The following GRIK2 variants were observed in gnomAD, a reference collection of about 807,000 sequenced individuals.
GRIK2 encodes the protein glutamate ionotropic receptor kainate type subunit 2.
Under a neutral mutation model 100.3 loss-of-function variants are expected in GRIK2, and 32 were observed. That is an observed-to-expected ratio of 0.32 (90% confidence interval 0.24 to 0.43). The LOEUF (loss-of-function observed/expected upper bound fraction) is 0.43. GRIK2 is among the 20% of genes least tolerant of loss of function. The pLI is 1.00. For missense variants in GRIK2, 843 were observed against 1,114.9 expected (o/e 0.76, Z 3.47); for synonymous variants, 417 against 389.4 (o/e 1.07, Z -0.83).
chr6:101,639,314 G>C (rs960392841), intron 4 of GRIK2, among the ~76,000 whole-genome samples: 5 of 152,114 alleles, frequency 3.3e-5, no homozygotes, highest in Admixed American at 3.3e-4. Flanking sequence ...GATTACAGGC[G>C]TGAGCCACCA....
At chr6:101,537,840 G>A (rs1450237630) in intron 2 of GRIK2, among the ~76,000 whole-genome samples, 1 of 151,712 alleles carries the variant, frequency 6.6e-6, no homozygotes, top group African/African-American at 2.4e-5. Context: ...TAAAGCTAGA[G>A]GTAATACCTT....
intron 2 of GRIK2, among the ~76,000 whole-genome samples, chr6:101,499,368 A>AT (rs1372738389): frequency 2.6e-5 from 4 of 152,146 alleles, no homozygotes; most frequent in East Asian, 1.9e-4. Context: ...GGAACTTTAT[A>AT]TTTTTTTATT....
At chr6:101,755,230 G>C (rs902938116) in intron 7 of GRIK2, among the ~76,000 whole-genome samples, 2 of 131,348 alleles carry the variant, frequency 1.5e-5, no homozygotes, top group East Asian at 5.2e-4. Context: ...GCAGTGGCAC[G>C]ATCTCGACTC....
intron 7 of GRIK2, among the ~76,000 whole-genome samples, chr6:101,742,923 T>C (rs559367978): frequency 6.6e-6 from 1 of 152,334 alleles, no homozygotes; most frequent in Non-Finnish European, 1.5e-5. Flanking sequence ...TTAAGAGCCC[T>C]GGCTGAGGAC....
intron 10 of GRIK2, among the ~76,000 whole-genome samples, chr6:101,844,344 G>C (rs1458585080): frequency 6.6e-6 from 1 of 152,124 alleles, no homozygotes; most frequent in Non-Finnish European, 1.5e-5. Context: ...AAAAAGATGG[G>C]AGAATGTTTA....
chr6:101,965,685 G>C (rs578021161), intron 14 of GRIK2, among the ~76,000 whole-genome samples: 242 of 152,022 alleles, frequency 1.6e-3, no homozygotes, highest in African/African-American at 5.3e-3. Context: ...CAGTATATTT[G>C]CCATTACTTG....
chr6:101,918,358 CTTCAT>C (rs1342920248), intron 12 of GRIK2, among the ~76,000 whole-genome samples: 1 of 151,508 alleles, frequency 6.6e-6, no homozygotes, highest in East Asian at 1.9e-4. Context: ...TTTTTGTACT[CTTCAT>C]TAGTTGTAAT....
chr6:101,435,096 C>G (rs994945267), intron 2 of GRIK2, among the ~76,000 whole-genome samples: 1 of 152,108 alleles, frequency 6.6e-6, no homozygotes, highest in Non-Finnish European at 1.5e-5. Context: ...CCTTGCTGTA[C>G]AACAGTTTCT....
At chr6:101,893,008 A>T (rs1787206242) in intron 12 of GRIK2, among the ~76,000 whole-genome samples, 1 of 151,378 alleles carries the variant, frequency 6.6e-6, no homozygotes, top group Non-Finnish European at 1.5e-5. Context: ...CTATAAAAGA[A>T]GTTTGTGACA....
chr6:101,461,727 C>A (rs1771316930), intron 2 of GRIK2, among the ~76,000 whole-genome samples: 1 of 152,072 alleles, frequency 6.6e-6, no homozygotes, highest in Admixed American at 6.6e-5. Flanking sequence ...TTTCTGCCTA[C>A]CCCAGGCTGA....
At chr6:101,584,364 A>G (rs1205212005) in intron 2 of GRIK2, among the ~76,000 whole-genome samples, 2 of 152,198 alleles carry the variant, frequency 1.3e-5, no homozygotes, top group Admixed American at 6.6e-5. Context: ...TTCTTCAAGA[A>G]AATCAATTCT....
intron 10 of GRIK2, among the ~76,000 whole-genome samples, chr6:101,829,451 C>T (rs1314120791): frequency 6.6e-6 from 1 of 151,778 alleles, no homozygotes; most frequent in Non-Finnish European, 1.5e-5. Context: ...GAGGAAGTAA[C>T]ATTATTTCTC....
At chr6:101,932,010 G>T (rs1790320403) in intron 14 of GRIK2, among the ~76,000 whole-genome samples, 1 of 152,034 alleles carries the variant, frequency 6.6e-6, no homozygotes, top group Non-Finnish European at 1.5e-5. Context: ...TAAAGGCTAG[G>T]AGAATGGAAG....
intron 2 of GRIK2, among the ~76,000 whole-genome samples, chr6:101,591,161 A>G (rs757557346): frequency 3.3e-5 from 5 of 151,644 alleles, no homozygotes; most frequent in African/African-American, 4.8e-5. Flanking sequence ...TGCAGCATTG[A>G]TTTCAGAAGC....
intron 2 of GRIK2, among the ~76,000 whole-genome samples, chr6:101,527,938 A>T (rs1255904023): frequency 6.6e-6 from 1 of 152,096 alleles, no homozygotes; most frequent in East Asian, 1.9e-4. Flanking sequence ...TCCAAAGGAC[A>T]GATGTGTTCC....
intron 7 of GRIK2, among the ~76,000 whole-genome samples, chr6:101,795,637 C>T (rs1562394071): frequency 6.6e-6 from 1 of 152,350 alleles, no homozygotes; most frequent in South Asian, 2.1e-4. Flanking sequence ...CCCTTGGACT[C>T]TCAGGCATCA....
intron 7 of GRIK2, among the ~76,000 whole-genome samples, chr6:101,759,538 C>A (rs1777350756): frequency 6.6e-6 from 1 of 152,028 alleles, no homozygotes; most frequent in African/African-American, 2.4e-5. Flanking sequence ...CTACTTTATA[C>A]CTTGGACAAA....
At chr6:101,454,210 T>TA (rs778251135) in intron 2 of GRIK2, among the ~76,000 whole-genome samples, 51 of 152,126 alleles carry the variant, frequency 3.4e-4, no homozygotes, top group Middle Eastern at 3.2e-3. Context: ...TGATTTTGTA[T>TA]AAAACAAGTT....
intron 7 of GRIK2, among the ~76,000 whole-genome samples, chr6:101,698,763 C>T (rs534006449): frequency 5.8e-4 from 88 of 152,198 alleles, no homozygotes; most frequent in African/African-American, 2.0e-3. Flanking sequence ...TTTAATAAGA[C>T]AAGTGAAACG....
Sources: gnomAD v4.1 joint callset for allele counts (sites outside exome capture counted in the v4.1 genomes callset) on GRCh38, gnomAD v4.1.1 for gene constraint, MANE v1.5 for transcripts, NCBI Gene and HGNC (gene_info 2026-07-23, HGNC 2026-07-21) for gene names.